HOXC11: variants seen among roughly 807,000 people sequenced by gnomAD.
HOXC11 encodes homeobox protein Hox-C11.
HOXC11 carries 17 observed loss-of-function variants against 23.6 expected under a neutral mutation model. The ratio of observed to expected loss-of-function variants is 0.72; its 90% CI spans 0.49 to 1.08. HOXC11 has a LOEUF of 1.08. Among genes scored for constraint, HOXC11 ranks in the 50% least tolerant of loss-of-function variants. The pLI, the probability that HOXC11 is intolerant of heterozygous loss-of-function variation, is 0.00. For missense variants in HOXC11, 413 were observed against 412.1 expected (o/e 1.00, Z -0.02); for synonymous variants, 196 against 183.8 (o/e 1.07, Z -0.54).
Position 53,973,253 on chromosome 12 carries a change from G to C in HOXC11, c.12G>C (p.Ser4=), listed in dbSNP as rs201521088. The part of the protein sequence containing the change: MFN[S]VNLGNFCSPS... ...AGGAGAGGAGAACGATGTTTAACTC[G>C]GTCAACCTGGGCAACTTCTGCTCTC... is the stretch of plus-strand genomic sequence containing the variant. Residue 4 remains serine (S), a synonymous_variant, in exon 1 of 2, where the codon TCG becomes TCC. Transcript: ENST00000546378. This position sits in a 1 kb window ranked among gnomAD's most constrained non-coding sequence, Gnocchi z 4.3. 8 of 1,600,890 alleles carry C rather than the reference G, an allele frequency of 5.0e-6. No individual in the cohort carries two copies. The highest frequency in any genetic ancestry group is 2.2e-5 in the East Asian group (1 of 44,794).
rs1939183122 is a variant in HOXC11, at chr12:53,973,371, T to C, written c.130T>C (p.Phe44Leu). ...CAGTTGCACTTACTACATGCCCGAG[T>C]TCTCCACGGTCTCCTCCTTCCTGCC... ...LPSCTYYMPE[F>L]STVSSFLPQA... Residue 44 changes from phenylalanine to leucine, a missense_variant, in exon 1 of 2, where the codon TTC becomes CTC. Coordinates refer to ENST00000546378, the MANE Select transcript of HOXC11 (RefSeq NM_014212.4). This position sits in a 1 kb window ranked among gnomAD's most constrained non-coding sequence, Gnocchi z 4.3. The C allele has an allele frequency of 6.2e-7, 1 of 1,607,406 alleles. No individual in the cohort carries two copies. Among genetic ancestry groups the C allele is most frequent in the African/African-American group, 1.4e-5 (1 of 72,738 alleles).
rs781022669 is a variant in HOXC11, at chr12:53,973,452, C to A, written c.211C>A (p.Arg71=). Residue 71 remains arginine, a synonymous_variant, in exon 1 of 2, where the codon CGG becomes AGG. Transcript: ENST00000546378. This position sits in a 1 kb window ranked among gnomAD's most constrained non-coding sequence, Gnocchi z 4.3. Reference sequence around the variant, plus strand: ...CTACTCGGCCCAAGTGCCCCCGGTCCGGGAGGTCTCCTACGGCCTGGAGCC... The same window carrying A: ...CTACTCGGCCCAAGTGCCCCCGGTCAGGGAGGTCTCCTACGGCCTGGAGCC... The part of the protein sequence containing the change: ...YPYSAQVPPV[R]EVSYGLEPSG... The A allele has an allele frequency of 3.1e-6, 5 of 1,614,162 alleles. No individual in the cohort carries two copies. Among genetic ancestry groups the A allele is most frequent in the Admixed American group, 1.7e-5 (1 of 60,032 alleles).
chr12:53,973,680 C>T lies in HOXC11; in HGVS notation c.439C>T (p.Leu147=), dbSNP rs1052515176. Residue 147 remains leucine, a synonymous_variant, in exon 1 of 2, where the codon CTG becomes TTG. Coordinates refer to ENST00000546378, the MANE Select transcript of HOXC11 (RefSeq NM_014212.4). This position sits in a 1 kb window ranked among gnomAD's most constrained non-coding sequence, Gnocchi z 4.3. ...CTCCTCAGTCAACAAGAACAGCGTC[C>T]TGCCTCAAGCCTTCGACCGTTTCTT... ...FYSSVNKNSV[L]PQAFDRFFDN... 9 of 1,613,752 alleles carry T rather than the reference C, an allele frequency of 5.6e-6. No homozygotes were observed. The highest frequency in any genetic ancestry group is 7.6e-6 in the Non-Finnish European group (9 of 1,180,030).
rs1592197244 is a variant in HOXC11, at chr12:53,975,709, C to A, written c.*296C>A. ...CTTTGATTTAAAAGAAAACACACCT[C>A]GGCGACAATGTCTTGCTGCTCGGAT... On this transcript the variant is annotated 3_prime_UTR_variant, in exon 2 of 2. Coordinates refer to ENST00000546378, the MANE Select transcript of HOXC11 (RefSeq NM_014212.4). 1.8e-6 allele frequency: 1 copy of A among 548,068 alleles called. No homozygotes were observed. The highest frequency in any genetic ancestry group is 2.7e-5 in the South Asian group (1 of 37,654). The allele number at this position is 548,068 out of a possible 1,614,324, so 34.0% of individuals were successfully genotyped here. A position where few individuals can be genotyped will look rare whatever the true frequency, so the allele number is the denominator to read the frequency against.
At chr12:53,974,634 C>A (rs1939219586) in intron 1 of HOXC11, among the ~76,000 whole-genome samples, 1 of 151,560 alleles carries the variant, frequency 6.6e-6, no homozygotes, top group South Asian at 2.1e-4. Context: ...CCTAGAACTG[C>A]GGTGTGGAAG....
intron 1 of HOXC11, chr12:53,974,891 C>G (rs115512483): frequency 2.8e-6 from 1 of 351,362 alleles, no homozygotes; most frequent in Non-Finnish European, 5.1e-6. Flanking sequence ...AGGGGACGCA[C>G]GTGTACCTGG....
rs1254513611 is a variant in HOXC11, at chr12:53,974,918, C to T, written c.683-263C>T. The T allele has an allele frequency of 8.1e-6, 4 of 494,126 alleles. No individual in the cohort carries two copies. In the East Asian group the frequency reaches 1.1e-4, roughly 14 times the overall value. The allele number at this position is 494,126 out of a possible 1,614,324, so 30.6% of individuals were successfully genotyped here. ...TGTACCTGGAGGGCTTTCCTTCTGT[C>T]CCAGACCCTGTCAGCCGCGGCTCTC... On this transcript the variant is annotated intron_variant, in intron 1 of 1. Transcript: ENST00000546378.
chr12:53,975,314 G>T lies in HOXC11; in HGVS notation c.816G>T (p.Thr272=). Residue 272 remains threonine, a synonymous_variant, in exon 2 of 2, where the codon ACG becomes ACT. Coordinates refer to ENST00000546378, the MANE Select transcript of HOXC11 (RefSeq NM_014212.4). ...RLQLSRMLNL[T]DRQVKIWFQN... ...AGCTGTCCCGGATGCTGAACCTGAC[G>T]GACCGACAAGTGAAAATTTGGTTTC... The T allele has an allele frequency of 6.2e-7, 1 of 1,613,812 alleles. No homozygotes were observed. The highest frequency in any genetic ancestry group is 2.2e-5 in the East Asian group (1 of 44,878).
chr12:53,974,818 G>A (rs929289616), intron 1 of HOXC11: 1 of 192,448 alleles, frequency 5.2e-6, no homozygotes, highest in Non-Finnish European at 1.0e-5. Flanking sequence ...TGGGCTTTCC[G>A]AACCACTAGG....
intron 1 of HOXC11, 132 bp downstream of exon 1, chr12:53,974,055 T>G (rs1447120955): frequency 1.5e-6 from 1 of 682,282 alleles, no homozygotes; most frequent in Non-Finnish European, 2.3e-6. Flanking sequence ...ATGTGGAGTT[T>G]TATAAGCATT....
chr12:53,973,964 G>T lies in HOXC11; in HGVS notation c.682+41G>T. 7.0e-7 allele frequency: 1 copy of T among 1,425,094 alleles called. No individual in the cohort carries two copies. The highest frequency in any genetic ancestry group is 1.5e-5 in the South Asian group (1 of 66,284). The allele number at this position is 1,425,094 out of a possible 1,614,324, so 88.3% of individuals were successfully genotyped here. On this transcript the variant is annotated intron_variant, in intron 1 of 1. Coordinates refer to ENST00000546378, the MANE Select transcript of HOXC11 (RefSeq NM_014212.4). The surrounding 1 kb of genome is among the most constrained non-coding windows in gnomAD (Gnocchi z 4.3). ...CGGGGAACGGGCGGGCAGCGAGGGA[G>T]GGAGCGAGAGAGGGAGGGCGAGAGA...
At position 53,973,919 on chromosome 12, in the gene HOXC11, C is replaced by G. The variant is rs959455063; in HGVS notation, c.678C>G (p.Ala226=). 2 of 1,441,342 alleles carry G rather than the reference C, an allele frequency of 1.4e-6. No homozygotes were observed. The highest frequency in any genetic ancestry group is 2.9e-5 in the African/African-American group (2 of 68,878). The allele number at this position is 1,441,342 out of a possible 1,614,324, so 89.3% of individuals were successfully genotyped here. Residue 226 remains alanine (A), a synonymous_variant, in exon 1 of 2, where the codon GCC becomes GCG. Coordinates refer to ENST00000546378, the MANE Select transcript of HOXC11 (RefSeq NM_014212.4). The surrounding 1 kb of genome is among the most constrained non-coding windows in gnomAD (Gnocchi z 4.3). ...SVAKEPAKGA[A]PNAPRTRKKR... is the part of the protein sequence containing the mutation. The stretch of plus-strand genomic sequence containing the variant: ...CCAAGGAGCCGGCCAAAGGAGCCGC[C>G]CCCAGTAGGTAGCAGCGGCCGGGGA...
Position 53,975,550 on chromosome 12 carries a change from G to A in HOXC11, c.*137G>A. ...GCCAGGGCTGGCCCCCACCGCTGTGGCCGGCACTCCATTCCGGAACCTCCT... is the reference window on the plus strand; with the variant it reads ...GCCAGGGCTGGCCCCCACCGCTGTGACCGGCACTCCATTCCGGAACCTCCT... On this transcript the variant is annotated 3_prime_UTR_variant, in exon 2 of 2. Transcript: ENST00000546378. The A allele has an allele frequency of 1.4e-6, 1 of 723,766 alleles. No individual in the cohort carries two copies. Among genetic ancestry groups the A allele is most frequent in the South Asian group, 1.5e-5 (1 of 65,704 alleles). 44.8% of individuals were successfully genotyped at this position (723,766 alleles called of 1,614,324 possible). A position where few individuals can be genotyped will look rare whatever the true frequency, so the allele number is the denominator to read the frequency against.
chr12:53,973,169 G>A lies in HOXC11; in HGVS notation c.-73G>A. 8.4e-7 allele frequency: 1 copy of A among 1,194,232 alleles called. No individual in the cohort carries two copies. The highest frequency in any genetic ancestry group is 1.2e-6 in the Non-Finnish European group (1 of 857,122). 74.0% of individuals were successfully genotyped at this position (1,194,232 alleles called of 1,614,324 possible). A position where few individuals can be genotyped will look rare whatever the true frequency, so the allele number is the denominator to read the frequency against. On this transcript the variant is annotated 5_prime_UTR_variant, in exon 1 of 2. Coordinates refer to ENST00000546378, the MANE Select transcript of HOXC11 (RefSeq NM_014212.4). This position sits in a 1 kb window ranked among gnomAD's most constrained non-coding sequence, Gnocchi z 4.3. The stretch of plus-strand genomic sequence containing the variant: ...ACTAAGACGGATAACGCGTCATCTC[G>A]CCTTCCCAAATTTTCCCCCCTCGCT...
chr12:53,974,875 G>T (rs999970358), intron 1 of HOXC11: 2 of 304,994 alleles, frequency 6.6e-6, no homozygotes, highest in African/African-American at 2.2e-5. Flanking sequence ...GCAGACAGGG[G>T]GCCCGAGGGG....
At position 53,974,947 on chromosome 12, in the gene HOXC11, T is replaced by G; in HGVS notation, c.683-234T>G. The stretch of plus-strand genomic sequence containing the variant: ...GACCCTGTCAGCCGCGGCTCTCGCC[T>G]GAGAACTGGGGACGGGGTGGCGCAG... On this transcript the variant is annotated intron_variant, in intron 1 of 1. Transcript: ENST00000546378. The G allele has an allele frequency of 5.7e-6, 3 of 529,280 alleles. No individual in the cohort carries two copies. In the South Asian group the frequency reaches 7.2e-5, roughly 13 times the overall value. 32.8% of individuals were successfully genotyped at this position (529,280 alleles called of 1,614,324 possible).
chr12:53,975,455 T>G lies in HOXC11; in HGVS notation c.*42T>G. 2.0e-6 allele frequency: 2 copies of G among 986,816 alleles called. No homozygotes were observed. Among genetic ancestry groups the G allele is most frequent in the Non-Finnish European group, 3.2e-6 (2 of 630,826 alleles). 61.1% of individuals were successfully genotyped at this position (986,816 alleles called of 1,614,324 possible). ...TTTTGGGGGCGGGGGGAGGGGAAAA[T>G]TATTTTATTTTATTTTTATTTTTTA... is the stretch of plus-strand genomic sequence containing the variant. On this transcript the variant is annotated 3_prime_UTR_variant, in exon 2 of 2. Coordinates refer to ENST00000546378, the MANE Select transcript of HOXC11 (RefSeq NM_014212.4).
chr12:53,973,800 T>G lies in HOXC11; in HGVS notation c.559T>G (p.Ser187Ala). Residue 187 changes from serine (S) to alanine (A), a missense_variant, in exon 1 of 2, where the codon TCG (serine) becomes GCG (alanine). By Grantham distance (99) the Ser-to-Ala change is moderately conservative (BLOSUM62 1). Coordinates refer to ENST00000546378, the MANE Select transcript of HOXC11 (RefSeq NM_014212.4). This position sits in a 1 kb window ranked among gnomAD's most constrained non-coding sequence, Gnocchi z 4.3. Reference sequence around the variant, plus strand: ...GGGGGAGCCCGAGGCACCCCCGGCCTCGGGACTGGCGTCCCGGGCTGAGGC... The same window carrying G: ...GGGGGAGCCCGAGGCACCCCCGGCCGCGGGACTGGCGTCCCGGGCTGAGGC... ...AKGEPEAPPASGLASRAEAGA... is the reference protein window; with the variant it reads ...AKGEPEAPPAAGLASRAEAGA... 1 of 1,586,394 alleles carries G rather than the reference T, an allele frequency of 6.3e-7. No homozygotes were observed. The highest frequency in any genetic ancestry group is 2.3e-5 in the East Asian group (1 of 44,194).
rs1445758831 is a variant in HOXC11, at chr12:53,975,261, G to C, written c.763G>C (p.Val255Leu). Residue 255 changes from valine to leucine, a missense_variant, in exon 2 of 2, where the codon GTG (valine) becomes CTG (leucine). Coordinates refer to ENST00000546378, the MANE Select transcript of HOXC11 (RefSeq NM_014212.4). ...ACTGGAGCGAGAGTTTTTCTTCAAC[G>C]TGTATATCAACAAAGAGAAGCGGCT... is the stretch of plus-strand genomic sequence containing the variant. ...RELEREFFFNVYINKEKRLQL... is the reference protein window; with the variant it reads ...RELEREFFFNLYINKEKRLQL... The C allele has an allele frequency of 3.1e-6, 5 of 1,613,188 alleles. No homozygotes were observed. The highest frequency in any genetic ancestry group is 4.2e-6 in the Non-Finnish European group (5 of 1,179,856).
Sources: gnomAD v4.1 joint callset for allele counts (sites outside exome capture counted in the v4.1 genomes callset) on GRCh38, gnomAD v4.1.1 for gene constraint, Gnocchi (gnomAD v3.1) non-coding constraint, MANE v1.5 for transcripts, NCBI Gene and HGNC (gene_info 2026-07-23, HGNC 2026-07-21) for gene names.